GLCE: variants seen among roughly 807,000 people sequenced by gnomAD.
GLCE encodes the protein glucuronic acid epimerase.
In GLCE, 19 loss-of-function variants were observed where a neutral mutation model predicts 47.9. That is an observed-to-expected ratio of 0.40 (90% confidence interval 0.28 to 0.58). The LOEUF (loss-of-function observed/expected upper bound fraction) is 0.58, where lower values mean the gene tolerates loss of function less well. Among genes scored for constraint, GLCE ranks in the 20% least tolerant of loss-of-function variants. The pLI is 0.48. For missense variants in GLCE, 556 were observed against 743.3 expected, an observed-to-expected ratio of 0.75 and a Z score of 2.93; for synonymous variants, 245 against 263.4, an observed-to-expected ratio of 0.93 and a Z score of 0.68.
At chr15:69,187,474 A>G (rs2051841425) in intron 1 of GLCE, among the ~76,000 whole-genome samples, 1 of 152,224 alleles carries the variant, frequency 6.6e-6, no homozygotes, top group African/African-American at 2.4e-5. Flanking sequence ...ACATTGAAAC[A>G]TAGAGATTAA....
At chr15:69,251,290 A>G (rs1400895435) in intron 2 of GLCE, among the ~76,000 whole-genome samples, 1 of 152,246 alleles carries the variant, frequency 6.6e-6, no homozygotes, top group Non-Finnish European at 1.5e-5. Context: ...ATCAGGAGAC[A>G]GCTTCTGGAT....
intron 1 of GLCE, among the ~76,000 whole-genome samples, chr15:69,176,947 A>C (rs1427708383): frequency 6.6e-6 from 1 of 152,090 alleles, no homozygotes; most frequent in East Asian, 1.9e-4. Context: ...TAGAATCAGG[A>C]CACTCTCAAA....
chr15:69,241,046 C>T (rs918895167), intron 2 of GLCE, among the ~76,000 whole-genome samples: 3 of 152,210 alleles, frequency 2.0e-5, no homozygotes, highest in Non-Finnish European at 4.4e-5. Context: ...TTTGTACTTT[C>T]TCTTGTTAAA....
At chr15:69,227,573 G>A (rs922597183) in intron 2 of GLCE, among the ~76,000 whole-genome samples, 12 of 152,246 alleles carry the variant, frequency 7.9e-5, no homozygotes, top group Admixed American at 4.6e-4. Context: ...GCTGTGAGCC[G>A]AACATAAACC....
intron 2 of GLCE, among the ~76,000 whole-genome samples, chr15:69,238,693 G>A (rs778306748): frequency 3.2e-4 from 48 of 152,282 alleles, no homozygotes; most frequent in Middle Eastern, 3.4e-3. Context: ...GCTCTGGATT[G>A]TGGAAAGAAT....
rs199691243 is a variant in GLCE at position 69,261,094 on chromosome 15, A to G, written c.594A>G (p.Pro198=). ...TGTTTCTCTATTTTATAGGTGTGCC[A>G]TTATCTACACAATGGGGACCTCAAG... The part of the protein sequence containing the change: ...VKCISGVEGV[P]LSTQWGPQGY... The change falls in exon 4 of 5, where the codon CCA becomes CCG. Residue 198 remains proline, a synonymous_variant. Transcript: ENST00000261858. 50 of 1,611,728 alleles carry G rather than the reference A, an allele frequency of 3.1e-5. No individual in the cohort carries two copies. Among genetic ancestry groups the G allele is most frequent in the Non-Finnish European group, 3.8e-5 (45 of 1,178,300 alleles).
At chr15:69,217,704 T>A (rs2052324855) in intron 2 of GLCE, among the ~76,000 whole-genome samples, 1 of 152,226 alleles carries the variant, frequency 6.6e-6, no homozygotes, top group African/African-American at 2.4e-5. Context: ...TTTAACTTCT[T>A]TTGAACAGCT....
At chr15:69,178,694 A>G (rs774381152) in intron 1 of GLCE, among the ~76,000 whole-genome samples, 21 of 152,174 alleles carry the variant, frequency 1.4e-4, no homozygotes, top group Non-Finnish European at 2.4e-4. Context: ...ATCTAGAATC[A>G]CTGTTATATA....
intron 2 of GLCE, among the ~76,000 whole-genome samples, chr15:69,216,573 C>G (rs2052310046): frequency 6.6e-6 from 1 of 151,964 alleles, no homozygotes; most frequent in Non-Finnish European, 1.5e-5. Flanking sequence ...TTGTAAAGAC[C>G]TATGTTTAAC....
chr15:69,210,106 G>A (rs2052210521), intron 1 of GLCE, among the ~76,000 whole-genome samples: 1 of 152,106 alleles, frequency 6.6e-6, no homozygotes, highest in Admixed American at 6.6e-5. Flanking sequence ...AGCAGAGGGG[G>A]AAATAAATGG....
At chr15:69,244,558 A>G (rs1269753777) in intron 2 of GLCE, among the ~76,000 whole-genome samples, 1 of 152,142 alleles carries the variant, frequency 6.6e-6, no homozygotes, top group African/African-American at 2.4e-5. Flanking sequence ...GAAATATAAT[A>G]TTTATATATC....
intron 2 of GLCE, among the ~76,000 whole-genome samples, chr15:69,239,319 C>T (rs1429723250): frequency 6.6e-6 from 1 of 152,150 alleles, no homozygotes; most frequent in Non-Finnish European, 1.5e-5. Context: ...GCTGAGGCTT[C>T]AGTAGCTTTC....
intron 1 of GLCE, among the ~76,000 whole-genome samples, chr15:69,171,211 A>T (rs2051583146): frequency 6.6e-6 from 1 of 152,128 alleles, no homozygotes; most frequent in Non-Finnish European, 1.5e-5. Flanking sequence ...ATATTTTAAA[A>T]ATATTTTAAG....
intron 2 of GLCE, among the ~76,000 whole-genome samples, chr15:69,224,255 G>A (rs1381911922): frequency 2.6e-5 from 4 of 152,168 alleles, no homozygotes; most frequent in South Asian, 4.2e-4. Context: ...TTTGGTTTTT[G>A]TAGACTGGGT....
At chr15:69,237,158 A>C (rs6494790) in intron 2 of GLCE, among the ~76,000 whole-genome samples, 104,064 of 152,120 alleles carry the variant, frequency 0.68, 36,963 homozygotes, top group Non-Finnish European at 0.77. Flanking sequence ...AGTATTGTTT[A>C]TTCTACCAGA....
At chr15:69,215,257 C>G (rs1006106755) in intron 2 of GLCE, among the ~76,000 whole-genome samples, 4 of 152,090 alleles carry the variant, frequency 2.6e-5, no homozygotes, top group Non-Finnish European at 5.9e-5. Flanking sequence ...TCCTGGCAAC[C>G]CCTAATGTGT....
intron 2 of GLCE, among the ~76,000 whole-genome samples, chr15:69,220,585 G>A (rs11637106): frequency 0.51 from 77,560 of 151,974 alleles, 23,372 homozygotes; most frequent in Admixed American, 0.65. Flanking sequence ...ATATTCTTTG[G>A]TGAAATGTCT....
intron 2 of GLCE, among the ~76,000 whole-genome samples, chr15:69,216,237 T>G (rs539333105): frequency 6.6e-6 from 1 of 152,264 alleles, no homozygotes; most frequent in Admixed American, 6.5e-5. Flanking sequence ...GATTGACAAA[T>G]GTTACTCTAG....
intron 1 of GLCE, among the ~76,000 whole-genome samples, chr15:69,183,561 C>A (rs1296238470): frequency 6.6e-6 from 1 of 152,152 alleles, no homozygotes; most frequent in Non-Finnish European, 1.5e-5. Flanking sequence ...CCCTATAGTT[C>A]GACAATATAT....
Sources: allele counts gnomAD v4.1 joint callset (sites outside exome capture counted in the v4.1 genomes callset), GRCh38; gene constraint gnomAD v4.1.1; transcripts MANE v1.5; gene names NCBI Gene and HGNC (gene_info 2026-07-23, HGNC 2026-07-21).